TUB: variants seen among roughly 807,000 people sequenced by gnomAD.
The protein encoded by TUB is TUB bipartite transcription factor, also known as tubby protein homolog.
A neutral mutation model predicts 59.7 loss-of-function variants in TUB; 33 were observed. The observed-to-expected ratio is 0.55, with a 90% CI of 0.42 to 0.74. The LOEUF is 0.74. Among genes scored for constraint, TUB ranks in the 30% least tolerant of loss-of-function variants. TUB has a pLI of 0.00. For synonymous variants in TUB, 293 were observed against 256.4 expected (o/e 1.14, Z -1.36); for missense variants, 659 against 672.0 (o/e 0.98, Z 0.21).
intron 1 of TUB, among the ~76,000 whole-genome samples, chr11:8,029,471 C>T (rs1388213861): frequency 6.6e-6 from 1 of 150,658 alleles, no homozygotes; most frequent in African/African-American, 2.4e-5. Flanking sequence ...TCACTGCAAC[C>T]TCTGCCTCTC....
At chr11:8,089,501 G>GC (rs1345443451) in intron 1 of TUB, 109 bp from the exon 2 acceptor site, 9 of 1,326,554 alleles carry the variant, frequency 6.8e-6, no homozygotes, top group Admixed American at 5.2e-5. Context: ...AGTCCCAGCA[G>GC]CCGTGATGGG....
intron 2 of TUB, among the ~76,000 whole-genome samples, chr11:8,055,881 G>A (rs115676011): frequency 0.01 from 1,565 of 152,306 alleles, 22 homozygotes; most frequent in African/African-American, 0.033. Context: ...CTTCGCTCAG[G>A]GCCCTGTGAC....
chr11:8,100,701 A>G lies in TUB; in HGVS notation c.1215+100A>G, dbSNP rs376246698. 9.9e-5 allele frequency: 143 copies of G among 1,442,954 alleles called. No homozygotes were observed. In the African/African-American group the frequency reaches 1.7e-3, roughly 17 times the overall value. 89.4% of individuals were successfully genotyped at this position (1,442,954 alleles called of 1,614,324 possible). A position where few individuals can be genotyped will look rare whatever the true frequency, so the allele number is the denominator to read the frequency against. ...AGCTGATGTGTGTATGTGGAGGGGT[A>G]CCATGTGAGAAAGCCCTGGAGGTCT... On this transcript the variant is annotated intron_variant, in intron 10 of 11. Coordinates refer to ENST00000299506, the MANE Select transcript of TUB (RefSeq NM_177972.3).
At chr11:8,049,074 T>C (rs1375194875) in intron 2 of TUB, among the ~76,000 whole-genome samples, 2 of 152,234 alleles carry the variant, frequency 1.3e-5, no homozygotes, top group Non-Finnish European at 2.9e-5. Flanking sequence ...TTTGACTCCA[T>C]ATTCGTGCTC....
chr11:8,049,518 G>T (rs1180150085), intron 2 of TUB, among the ~76,000 whole-genome samples: 1 of 148,502 alleles, frequency 6.7e-6, no homozygotes, highest in African/African-American at 2.5e-5. Context: ...TATTGCCCAG[G>T]CCACCTTCAC....
chr11:8,096,890 C>G, intron 6 of TUB, 84 bp downstream of exon 6: 1 of 1,500,318 alleles, frequency 6.7e-7, no homozygotes, highest in Admixed American at 1.7e-5. Context: ...GAGATGGACT[C>G]GTATGCCTTT....
chr11:8,039,946 C>T (rs979346288), intron 2 of TUB, among the ~76,000 whole-genome samples: 8 of 152,190 alleles, frequency 5.3e-5, no homozygotes, highest in Non-Finnish European at 4.4e-5. Context: ...TGACTCTAAC[C>T]GGGTGATGCT....
chr11:8,027,358 T>C (rs555801892), intron 1 of TUB, among the ~76,000 whole-genome samples: 36 of 152,364 alleles, frequency 2.4e-4, no homozygotes, highest in African/African-American at 8.4e-4. Context: ...TATAACGAAA[T>C]CATACAGTAT....
upstream of TUB, chr11:8,077,122 G>A (rs2133805806): frequency 6.6e-6 from 1 of 152,250 alleles, no homozygotes; most frequent in South Asian, 2.1e-4. Context: ...ACTCATAGCT[G>A]TCTAGCAGTT....
At chr11:8,056,876 G>A (rs1943028779) in intron 2 of TUB, among the ~76,000 whole-genome samples, 1 of 152,070 alleles carries the variant, frequency 6.6e-6, no homozygotes, top group Non-Finnish European at 1.5e-5. Context: ...TGATGGGAAC[G>A]AACTACAGTA....
intron 1 of TUB, among the ~76,000 whole-genome samples, chr11:8,086,258 G>C (rs114121057): frequency 2.6e-5 from 4 of 152,174 alleles, no homozygotes; most frequent in Admixed American, 1.3e-4. Flanking sequence ...TGTGGTTATC[G>C]TTTAGGTCAG....
rs903954556 is a variant in TUB, at chr11:8,096,725, T to G, written c.606T>G (p.Asp202Glu). Reference sequence around the variant, plus strand: ...TGAGCTTTGACGAGGATGAGGAGGATGAGGAGGAGAATAGCTCCAGCTCCT... The same window carrying G: ...TGAGCTTTGACGAGGATGAGGAGGAGGAGGAGGAGAATAGCTCCAGCTCCT... ...SSMSFDEDEE[D>E]EEENSSSSSQ... Residue 202 changes from aspartate to glutamate, a missense_variant, in exon 6 of 12, where the codon GAT becomes GAG. Asp to Glu is a conservative substitution (Grantham distance 45). Transcript: ENST00000299506. 4 of 1,613,868 alleles carry G rather than the reference T, an allele frequency of 2.5e-6. No individual in the cohort carries two copies. The highest frequency in any genetic ancestry group is 1.3e-5 in the African/African-American group (1 of 75,004).
chr11:8,086,479 C>T (rs1019163631), intron 1 of TUB, among the ~76,000 whole-genome samples: 4 of 152,142 alleles, frequency 2.6e-5, no homozygotes, highest in African/African-American at 7.2e-5. Context: ...GTCTCCACAA[C>T]AGCTGCTGTT....
upstream of TUB, among the ~76,000 whole-genome samples, chr11:8,037,908 T>C (rs1487548639): frequency 1.3e-5 from 2 of 152,120 alleles, no homozygotes; most frequent in African/African-American, 2.4e-5. Flanking sequence ...TAGATGCCCA[T>C]GATGATGCCA....
At chr11:8,099,054 T>C (rs16935778) in intron 9 of TUB, among the ~76,000 whole-genome samples, 179 bp downstream of exon 9, 20,475 of 151,986 alleles carry the variant, frequency 0.13, 1,539 homozygotes, top group African/African-American at 0.18. Flanking sequence ...TCCTCCTGAC[T>C]TCAGAGCTCA....
chr11:8,101,059 T>C (rs1027095505), intron 11 of TUB, 62 bp downstream of exon 11: 12 of 1,591,322 alleles, frequency 7.5e-6, no homozygotes, highest in Admixed American at 3.4e-5. Flanking sequence ...TAGCGTAGGG[T>C]TCAGCCCACC....
At chr11:8,098,114 C>T (rs1944084215) in intron 8 of TUB, among the ~76,000 whole-genome samples, 1 of 151,960 alleles carries the variant, frequency 6.6e-6, no homozygotes. Flanking sequence ...ACGCAGGCCA[C>T]CATGGAAGAG....
rs1392895023 is a variant in TUB at position 8,103,063 on chromosome 11, A to T, written c.*1444A>T. ...GGCTTTTTGCACGTGAGTATGATCC[A>T]GGATTGGCCTGTGTCTGGCCCCTCC... On this transcript the variant is annotated 3_prime_UTR_variant, in exon 12 of 12. Coordinates refer to ENST00000299506, the MANE Select transcript of TUB (RefSeq NM_177972.3). 3 of 152,356 alleles carry T rather than the reference A, an allele frequency of 2.0e-5. No individual in the cohort carries two copies. The highest frequency in any genetic ancestry group is 6.5e-5 in the Admixed American group (1 of 15,304). The allele number at this position is 152,356 out of a possible 1,614,324, so 9.4% of individuals were successfully genotyped here.
intron 3 of TUB, 32 bp from the exon 4 acceptor site, chr11:8,094,014 T>C: frequency 6.2e-7 from 1 of 1,613,940 alleles, no homozygotes; most frequent in Non-Finnish European, 8.5e-7. Flanking sequence ...TGCCTGTTTC[T>C]CTCTCTCCAT....
Sources: allele counts gnomAD v4.1 joint callset (sites outside exome capture counted in the v4.1 genomes callset), GRCh38; gene constraint gnomAD v4.1.1; transcripts MANE v1.5; gene names NCBI Gene and HGNC (gene_info 2026-07-23, HGNC 2026-07-21).